The following UBR1 variants were observed in gnomAD, a reference collection of about 807,000 sequenced individuals.
UBR1 encodes the protein ubiquitin protein ligase E3 component n-recognin 1.
Under a neutral mutation model 242.1 loss-of-function variants are expected in UBR1, and 102 were observed. The ratio of observed to expected loss-of-function variants is 0.42; its 90% CI spans 0.36 to 0.50. UBR1 has a LOEUF of 0.50. UBR1 is among the 20% of genes least tolerant of loss of function. The probability of loss-of-function intolerance (pLI) is 0.01; values close to 1 mark genes in which losing one functional copy is unlikely to be tolerated. For synonymous variants in UBR1, 675 were observed against 684.8 expected, an observed-to-expected ratio of 0.99 and a Z score of 0.22; for missense variants, 1,772 against 2,101.8, an observed-to-expected ratio of 0.84 and a Z score of 3.07.
intron 22 of UBR1, among the ~76,000 whole-genome samples, chr15:43,027,013 C>T (rs1031037097): frequency 1.3e-5 from 2 of 152,016 alleles, no homozygotes; most frequent in East Asian, 3.9e-4. Flanking sequence ...ACTTCATTGA[C>T]CTTAGACACT....
Position 42,966,157 on chromosome 15 carries a change from A to G in UBR1, c.4587T>C (p.His1529=). Residue 1529 remains histidine, a synonymous_variant, in exon 41 of 47, where the codon CAT becomes CAC. Coordinates refer to ENST00000290650, the MANE Select transcript of UBR1 (RefSeq NM_174916.3). Reference sequence around the variant, plus strand: ...TGATTTCATTTTTCTACTTACTGGTATGCAGTTCCTCAGGCGGAGTTACCC... The same window carrying G: ...TGATTTCATTTTTCTACTTACTGGTGTGCAGTTCCTCAGGCGGAGTTACCC... The part of the protein sequence containing the change: ...LLGVTPPEEL[H]TNSAEGEYSA... The G allele has an allele frequency of 6.2e-7, 1 of 1,614,158 alleles. No homozygotes were observed. Among genetic ancestry groups the G allele is most frequent in the Non-Finnish European group, 8.5e-7 (1 of 1,180,028 alleles).
At chr15:42,981,312 C>T (rs537901956) in intron 37 of UBR1, among the ~76,000 whole-genome samples, 1 of 152,300 alleles carries the variant, frequency 6.6e-6, no homozygotes, top group African/African-American at 2.4e-5. Flanking sequence ...TACTTGAACA[C>T]ATCACGCACT....
At chr15:42,958,966 G>C (rs924577847) in intron 43 of UBR1, among the ~76,000 whole-genome samples, 1 of 152,128 alleles carries the variant, frequency 6.6e-6, no homozygotes, top group Non-Finnish European at 1.5e-5. Flanking sequence ...GAGTAGCTGG[G>C]ATTACAGGCG....
intron 37 of UBR1, among the ~76,000 whole-genome samples, chr15:42,983,283 T>A (rs2032406655): frequency 6.6e-6 from 1 of 152,170 alleles, no homozygotes. Context: ...TGGATGTTAG[T>A]GGTTGTAGAC....
At chr15:43,047,313 T>TA (rs1207899055) in intron 13 of UBR1, 24 bp from the exon 14 acceptor site, 10 of 1,614,030 alleles carry the variant, frequency 6.2e-6, no homozygotes, top group Middle Eastern at 1.6e-4. Context: ...TTGGTCAACA[T>TA]ACACCTATCT....
chr15:42,975,722 CT>C (rs778277938), intron 39 of UBR1, among the ~76,000 whole-genome samples: 2 of 151,408 alleles, frequency 1.3e-5, no homozygotes, highest in Non-Finnish European at 2.9e-5. Context: ...GAGATGAGAT[CT>C]TGTTCTGTTG....
chr15:43,018,095 T>C (rs1420824740), intron 27 of UBR1, among the ~76,000 whole-genome samples: 1 of 151,138 alleles, frequency 6.6e-6, no homozygotes, highest in Non-Finnish European at 1.5e-5. Flanking sequence ...CTACGCCTCT[T>C]GGGTACATGC....
At chr15:42,977,234 C>A (rs2032304887) in intron 38 of UBR1, among the ~76,000 whole-genome samples, 1 of 152,140 alleles carries the variant, frequency 6.6e-6, no homozygotes, top group African/African-American at 2.4e-5. Flanking sequence ...TAGTTAATAG[C>A]ATTCTTTTCA....
chr15:43,048,963 T>G lies in UBR1; in HGVS notation c.1440-472A>C, dbSNP rs142610021. ...TGTCATCTTGACTTGCACATCAGGA[T>G]GTACTAGTTTCAAGAGATAAACAAA... is the stretch of plus-strand genomic sequence containing the variant. On this transcript the variant is annotated intron_variant, in intron 12 of 46. Coordinates refer to ENST00000290650, the MANE Select transcript of UBR1 (RefSeq NM_174916.3). Among the ~76,000 whole-genome samples, 1,377 of 152,324 alleles carry G rather than the reference T, an allele frequency of 9.0e-3. 17 individuals are homozygous for G. Among genetic ancestry groups the G allele is most frequent in the African/African-American group, 0.032 (1,311 of 41,570 alleles).
At chr15:43,025,346 G>A (rs773561337) in intron 24 of UBR1, 35 bp downstream of exon 24, 18 of 1,588,218 alleles carry the variant, frequency 1.1e-5, no homozygotes, top group Admixed American at 5.1e-5. Flanking sequence ...ACAGAAAATA[G>A]TCAAAATGAG....
intron 42 of UBR1, among the ~76,000 whole-genome samples, chr15:42,963,423 G>T (rs1248375573): frequency 6.6e-6 from 1 of 152,138 alleles, no homozygotes; most frequent in Non-Finnish European, 1.5e-5. Context: ...TAGCAGCATT[G>T]ACAGTGCACA....
At chr15:43,034,888 CAAAAA>C (rs201319494) in intron 19 of UBR1, among the ~76,000 whole-genome samples, 34,022 of 91,634 alleles carry the variant, frequency 0.37, 4,753 homozygotes, top group African/African-American at 0.49. Flanking sequence ...ACGCCATCTC[CAAAAA>C]AAAAAAAAAA....
chr15:43,043,443 C>G (rs1167864993), intron 14 of UBR1, 48 bp from the exon 15 acceptor site: 1 of 1,591,712 alleles, frequency 6.3e-7, no homozygotes, highest in Non-Finnish European at 8.6e-7. Flanking sequence ...TCTACTTTAA[C>G]ACTTTTTTTG....
chr15:43,089,846 C>G (rs1172562445), intron 1 of UBR1, among the ~76,000 whole-genome samples: 1 of 152,168 alleles, frequency 6.6e-6, no homozygotes, highest in Admixed American at 6.5e-5. Context: ...GCAAAGTACT[C>G]TAAAAGTGTT....
At chr15:42,989,969 TG>T in intron 34 of UBR1, 60 bp downstream of exon 34, 1 of 1,209,608 alleles carries the variant, frequency 8.3e-7, no homozygotes, top group South Asian at 1.3e-5. Context: ...AAGCCTACAC[TG>T]TTTCCTACTC....
At chr15:43,060,017 T>G (rs1567139763) in intron 7 of UBR1, 35 bp downstream of exon 7, 2 of 1,608,968 alleles carry the variant, frequency 1.2e-6, no homozygotes, top group Non-Finnish European at 1.7e-6. Context: ...CATTCATCTT[T>G]AACTTCTCTT....
At chr15:43,077,381 CTG>C in intron 3 of UBR1, among the ~76,000 whole-genome samples, 1 of 152,034 alleles carries the variant, frequency 6.6e-6, no homozygotes, top group South Asian at 2.1e-4. Context: ...GAAACATGTG[CTG>C]TGTCCACTCA....
In UBR1 at chr15:42,952,505, G is replaced by A. The variant is rs953690563; in HGVS notation, c.4836-57C>T. The A allele has an allele frequency of 1.2e-5, 19 of 1,568,402 alleles. No individual in the cohort carries two copies. The African/African-American group carries it at 2.4e-4, about 20-fold the overall frequency. ...TGGAAAAACAAAACAAAACAAATAAGTACCATATATCCTGTTAGCAATCAA... is the reference window on the plus strand; with the variant it reads ...TGGAAAAACAAAACAAAACAAATAAATACCATATATCCTGTTAGCAATCAA... On this transcript the variant is annotated intron_variant, in intron 44 of 46. Coordinates refer to ENST00000290650, the MANE Select transcript of UBR1 (RefSeq NM_174916.3).
intron 42 of UBR1, among the ~76,000 whole-genome samples, chr15:42,963,281 G>A (rs2032051436): frequency 6.6e-6 from 1 of 152,030 alleles, no homozygotes; most frequent in Admixed American, 6.6e-5. Flanking sequence ...TTAAAAAAAA[G>A]ACAATTAAAG....
Sources: gnomAD v4.1 joint callset for allele counts (sites outside exome capture counted in the v4.1 genomes callset) on GRCh38, gnomAD v4.1.1 for gene constraint, MANE v1.5 for transcripts, NCBI Gene and HGNC (gene_info 2026-07-23, HGNC 2026-07-21) for gene names.